The following FAM217B variants were observed in gnomAD, a reference collection of about 807,000 sequenced individuals.
FAM217B encodes family with sequence similarity 217 member B, also known as protein FAM217B.
For synonymous variants in FAM217B, 163 were observed against 173.0 expected (o/e 0.94, Z 0.45); for missense variants, 463 against 456.9 (o/e 1.01, Z -0.12).
chr20:59,934,403 G>C (rs1191180247), intron 1 of FAM217B, among the ~76,000 whole-genome samples: 1 of 152,244 alleles, frequency 6.6e-6, no homozygotes, highest in East Asian at 1.9e-4. Flanking sequence ...TTGCCCCTTG[G>C]CTCGCAGAGG....
rs1014472665 is a variant in FAM217B, at chr20:59,942,443, G to A, written c.-74G>A. ...TGTTTTTAGACAGTCCATCAAACCC[G>A]AGATGATGATCAGCCACGTGATTTT... is the stretch of plus-strand genomic sequence containing the variant. On this transcript the variant is annotated 5_prime_UTR_variant, in exon 3 of 4. Coordinates refer to ENST00000360816, the MANE Select transcript of FAM217B (RefSeq NM_022106.3). The A allele has an allele frequency of 1.2e-4, 18 of 152,112 alleles. No individual in the cohort carries two copies. Among genetic ancestry groups the A allele is most frequent in the African/African-American group, 3.4e-4 (14 of 41,412 alleles). The allele number at this position is 152,112 out of a possible 1,614,324, so 9.4% of individuals were successfully genotyped here.
upstream of FAM217B, chr20:59,940,074 C>T (rs1449450968): frequency 1.4e-5 from 8 of 587,076 alleles, no homozygotes; most frequent in African/African-American, 1.4e-4. Context: ...TGCGCCCTAC[C>T]CTTGGTTCGC....
At position 59,946,144 on chromosome 20, in the gene FAM217B, T is replaced by C; in HGVS notation, c.*1049T>C. 1 of 167,152 alleles carries C rather than the reference T, an allele frequency of 6.0e-6. No individual in the cohort carries two copies. 10.4% of individuals were successfully genotyped at this position (167,152 alleles called of 1,614,324 possible). A position where few individuals can be genotyped will look rare whatever the true frequency, so the allele number is the denominator to read the frequency against. On this transcript the variant is annotated 3_prime_UTR_variant, in exon 4 of 4. Coordinates refer to ENST00000360816, the MANE Select transcript of FAM217B (RefSeq NM_022106.3). Reference sequence around the variant, plus strand: ...GGGTGAGGGGCGGGAGAGTGGAATATGAGTAAGGTTGCTGAATGAATTCTA... The same window carrying C: ...GGGTGAGGGGCGGGAGAGTGGAATACGAGTAAGGTTGCTGAATGAATTCTA...
chr20:59,938,895 G>C (rs1171320637), upstream of FAM217B: 1 of 799,218 alleles, frequency 1.3e-6, no homozygotes, highest in Non-Finnish European at 1.8e-6. Context: ...ACTGCCAGGG[G>C]ACCTTGCAGC....
chr20:59,940,901 A>T (rs2060900715), intron 1 of FAM217B, among the ~76,000 whole-genome samples: 1 of 151,902 alleles, frequency 6.6e-6, no homozygotes, highest in Non-Finnish European at 1.5e-5. Flanking sequence ...GTCTTCCTGG[A>T]CTCCGCGCCA....
upstream of FAM217B, chr20:59,938,072 C>G (rs1287706104): frequency 6.6e-6 from 1 of 152,190 alleles, no homozygotes; most frequent in Non-Finnish European, 1.5e-5. Context: ...TCTTCTGATG[C>G]TTAACAAGAA....
Position 59,943,948 on chromosome 20 carries a change from A to G in FAM217B, c.5A>G (p.Asn2Ser). The change falls in exon 4 of 4, where the codon AAT (asparagine) becomes AGT (serine). Residue 2 changes from asparagine to serine, a missense_variant. By Grantham distance (46) the Asn-to-Ser change is conservative. Coordinates refer to ENST00000360816, the MANE Select transcript of FAM217B (RefSeq NM_022106.3). The stretch of plus-strand genomic sequence containing the variant: ...GTTTTATTTTCTCACAGCAATATGA[A>G]TGCTGGCCCATCTTGGAATAAAGTG... M[N>S]AGPSWNKVQH... 6.3e-7 allele frequency: 1 copy of G among 1,597,186 alleles called. No homozygotes were observed. Among genetic ancestry groups the G allele is most frequent in the Non-Finnish European group, 8.5e-7 (1 of 1,172,916 alleles).
In FAM217B at chr20:59,947,504, C is replaced by CA. The variant is rs991031194; in HGVS notation, c.*2419dup. On this transcript the variant is annotated 3_prime_UTR_variant, in exon 4 of 4. Coordinates refer to ENST00000360816, the MANE Select transcript of FAM217B (RefSeq NM_022106.3). ...GGGCAACAAGAGGGAAACTCCGTTTCAAAAAAAAAAGAAAAAGAAAGAAAT... is the reference window on the plus strand; with the variant it reads ...GGGCAACAAGAGGGAAACTCCGTTTCAAAAAAAAAAAGAAAAAGAAAGAAAT... 108 of 153,572 alleles carry CA rather than the reference C, an allele frequency of 7.0e-4. No individual in the cohort carries two copies. Among genetic ancestry groups the CA allele is most frequent in the East Asian group, 2.0e-4 (1 of 4,922 alleles). The allele number at this position is 153,572 out of a possible 1,614,324, so 9.5% of individuals were successfully genotyped here.
intron 1 of FAM217B, among the ~76,000 whole-genome samples, chr20:59,941,773 C>G (rs1375711877): frequency 2.0e-5 from 3 of 152,186 alleles, no homozygotes. Context: ...TTTCTGGGTA[C>G]TCCTGTAATT....
chr20:59,938,999 G>A, upstream of FAM217B: 1 of 1,486,872 alleles, frequency 6.7e-7, no homozygotes, highest in Non-Finnish European at 8.9e-7. Flanking sequence ...CAGCTTAGGT[G>A]TGGAGGCTCC....
At chr20:59,942,139 A>C (rs560494600) in intron 1 of FAM217B, 59 bp from the exon 2 acceptor site, 5 of 152,622 alleles carry the variant, frequency 3.3e-5, no homozygotes, top group Admixed American at 3.3e-4. Context: ...AACCAACCCG[A>C]TACTGGTGGT....
chr20:59,944,777 G>A lies in FAM217B; in HGVS notation c.834G>A (p.Arg278=). The change falls in exon 4 of 4, where the codon AGG becomes AGA. Residue 278 remains arginine (R), a synonymous_variant. Coordinates refer to ENST00000360816, the MANE Select transcript of FAM217B (RefSeq NM_022106.3). ...CCATTGATGTGCTTGGTGGTACCAGGTTTTGTTCTCAGAGGCAAACCCTTG... is the reference window on the plus strand; with the variant it reads ...CCATTGATGTGCTTGGTGGTACCAGATTTTGTTCTCAGAGGCAAACCCTTG... ...PRPIDVLGGT[R]FCSQRQTLEM... is the part of the protein sequence containing the mutation. The A allele has an allele frequency of 6.2e-7, 1 of 1,614,172 alleles. No homozygotes were observed. The highest frequency in any genetic ancestry group is 8.5e-7 in the Non-Finnish European group (1 of 1,180,038).
rs1269977515 is a variant in FAM217B at position 59,947,026 on chromosome 20, A to G, written c.*1931A>G. On this transcript the variant is annotated 3_prime_UTR_variant, in exon 4 of 4. Coordinates refer to ENST00000360816, the MANE Select transcript of FAM217B (RefSeq NM_022106.3). ...TAGATATTCAAAAGCAAGATATTCTATACATATGTGTATATGTATATATAC... is the reference window on the plus strand; with the variant it reads ...TAGATATTCAAAAGCAAGATATTCTGTACATATGTGTATATGTATATATAC... 2 of 167,044 alleles carry G rather than the reference A, an allele frequency of 1.2e-5. No homozygotes were observed. The highest frequency in any genetic ancestry group is 1.9e-4 in the East Asian group (1 of 5,200). The allele number at this position is 167,044 out of a possible 1,614,324, so 10.3% of individuals were successfully genotyped here.
chr20:59,940,222 C>A (rs940072788), upstream of FAM217B: 2 of 295,992 alleles, frequency 6.8e-6, no homozygotes, highest in Non-Finnish European at 1.3e-5. Flanking sequence ...TTTCTTCTTG[C>A]TTCCTTGGAG....
In FAM217B at chr20:59,944,132, C is replaced by T. The variant is rs142191607; in HGVS notation, c.189C>T (p.Leu63=). The T allele has an allele frequency of 1.9e-4, 305 of 1,614,026 alleles. No homozygotes were observed. The African/African-American group carries it at 3.4e-3, about 18-fold the overall frequency. ...AAGCAAGACGCAAAAGGAATCCACT[C>T]GGTTCCAGGTGTCAGGGGGCCTCAG... is the stretch of plus-strand genomic sequence containing the variant. ...SPEARRKRNP[L]GSRCQGASGN... is the part of the protein sequence containing the mutation. The change falls in exon 4 of 4, where the codon CTC becomes CTT. Residue 63 remains leucine, a synonymous_variant. Transcript: ENST00000360816.
upstream of FAM217B, chr20:59,938,017 C>G (rs2060872708): frequency 6.6e-6 from 1 of 152,202 alleles, no homozygotes; most frequent in Non-Finnish European, 1.5e-5. Flanking sequence ...AAAACACCTT[C>G]TAGTTCCACC....
At chr20:59,941,865 T>C (rs571991253) in intron 1 of FAM217B, among the ~76,000 whole-genome samples, 43 of 152,294 alleles carry the variant, frequency 2.8e-4, no homozygotes, top group African/African-American at 1.0e-3. Context: ...CTTCCAGATT[T>C]CTTCAACATA....
upstream of FAM217B, chr20:59,939,924 C>T (rs776630785): frequency 1.4e-4 from 175 of 1,261,158 alleles, no homozygotes; most frequent in Non-Finnish European, 1.7e-4. Flanking sequence ...GCTCGGGCCT[C>T]TGGACATGGC....
rs1366759979 is a variant in FAM217B, at chr20:59,945,770, A to AG, written c.*677dup. On this transcript the variant is annotated 3_prime_UTR_variant, in exon 4 of 4. Coordinates refer to ENST00000360816, the MANE Select transcript of FAM217B (RefSeq NM_022106.3). ...TTTTTGAGGGGCATTTTAAACTTAG[A>AG]GGTGGTGGTAAAACCTACTTTTGAG... The AG allele has an allele frequency of 6.0e-6, 1 of 166,762 alleles. No homozygotes were observed. The highest frequency in any genetic ancestry group is 2.4e-5 in the African/African-American group (1 of 41,330). 10.3% of individuals were successfully genotyped at this position (166,762 alleles called of 1,614,324 possible).
Sources: gnomAD v4.1 joint callset for allele counts (sites outside exome capture counted in the v4.1 genomes callset) on GRCh38, gnomAD v4.1.1 for gene constraint, MANE v1.5 for transcripts, NCBI Gene and HGNC (gene_info 2026-07-23, HGNC 2026-07-21) for gene names.